RAB38: variants seen among roughly 807,000 people sequenced by gnomAD.
RAB38 encodes ras-related protein Rab-38.
Under a neutral mutation model 18.4 loss-of-function variants are expected in RAB38, and 15 were observed. The ratio of observed to expected loss-of-function variants is 0.82; its 90% CI spans 0.55 to 1.26. The LOEUF is 1.26. Among genes scored for constraint, RAB38 ranks in the 50% most tolerant of loss-of-function variants. The probability of loss-of-function intolerance (pLI) is 0.00; values close to 1 mark genes in which losing one functional copy is unlikely to be tolerated. For missense variants in RAB38, 294 were observed against 267.4 expected (o/e 1.10, Z -0.69); for synonymous variants, 101 against 104.4 (o/e 0.97, Z 0.20).
the RAB38 span, among the ~76,000 whole-genome samples, chr11:88,032,080 T>A: frequency 6.6e-6 from 1 of 151,004 alleles, no homozygotes; most frequent in Non-Finnish European, 1.5e-5. Context: ...ATGCCGCATA[T>A]CTACAACTAT....
At chr11:88,159,044 C>T (rs1360151655) in intron 1 of RAB38, among the ~76,000 whole-genome samples, 2 of 151,792 alleles carry the variant, frequency 1.3e-5, no homozygotes, top group African/African-American at 2.4e-5. Context: ...CTATAAATGA[C>T]TTCAGTAAAA....
chr11:88,093,193 C>A, the RAB38 span, among the ~76,000 whole-genome samples: 1 of 151,874 alleles, frequency 6.6e-6, no homozygotes, highest in Admixed American at 6.6e-5. Flanking sequence ...AGTTTTCACA[C>A]TAGGCAACTT....
chr11:88,094,897 C>G, the RAB38 span, among the ~76,000 whole-genome samples: 6 of 151,868 alleles, frequency 4.0e-5, no homozygotes, highest in Non-Finnish European at 7.4e-5. Context: ...CTTGAACCTT[C>G]AATATCTGCT....
chr11:87,939,485 C>T, the RAB38 span, among the ~76,000 whole-genome samples: 1 of 151,870 alleles, frequency 6.6e-6, no homozygotes, highest in Non-Finnish European at 1.5e-5. Context: ...TGATATTTTT[C>T]AACTTAAATG....
At chr11:87,970,863 C>T in the RAB38 span, among the ~76,000 whole-genome samples, 5 of 152,072 alleles carry the variant, frequency 3.3e-5, no homozygotes, top group Non-Finnish European at 7.4e-5. Flanking sequence ...TTTGTTACTC[C>T]TTTTCCTCTT....
the RAB38 span, among the ~76,000 whole-genome samples, chr11:87,814,128 G>C: frequency 8.5e-5 from 13 of 152,282 alleles, no homozygotes; most frequent in South Asian, 2.1e-3. Flanking sequence ...ACACCCCCAA[G>C]TGTTATGGGC....
the RAB38 span, among the ~76,000 whole-genome samples, chr11:87,828,365 A>G: frequency 1.3e-5 from 2 of 152,154 alleles, no homozygotes; most frequent in Admixed American, 6.6e-5. Context: ...ATCTATTTCC[A>G]TCAAGATATT....
At chr11:87,965,847 T>TGGGAATTTGTGCATC in the RAB38 span, among the ~76,000 whole-genome samples, 3 of 152,118 alleles carry the variant, frequency 2.0e-5, no homozygotes, top group African/African-American at 4.8e-5. Flanking sequence ...ATTTGTGCAT[T>TGGGAATTTGTGCATC]ATGGGTTAAG....
the RAB38 span, among the ~76,000 whole-genome samples, chr11:87,961,880 CTT>C: frequency 6.6e-6 from 1 of 152,024 alleles, no homozygotes; most frequent in African/African-American, 2.4e-5. Context: ...TCCAAGAAGA[CTT>C]GAGGTTTACT....
chr11:88,016,573 A>G, the RAB38 span, among the ~76,000 whole-genome samples: 1 of 152,092 alleles, frequency 6.6e-6, no homozygotes, highest in South Asian at 2.1e-4. Flanking sequence ...TGATAAGTCC[A>G]TGGTCACTTT....
At chr11:88,092,855 A>G in the RAB38 span, among the ~76,000 whole-genome samples, 5 of 151,920 alleles carry the variant, frequency 3.3e-5, no homozygotes, top group African/African-American at 1.2e-4. Context: ...AAATGAATAA[A>G]GTTTGGGAAA....
the RAB38 span, among the ~76,000 whole-genome samples, chr11:87,852,628 C>A: frequency 6.6e-6 from 1 of 152,122 alleles, no homozygotes; most frequent in African/African-American, 2.4e-5. Flanking sequence ...TTCAACATAA[C>A]AATAAAATGT....
chr11:88,074,499 G>C, the RAB38 span, among the ~76,000 whole-genome samples: 1 of 152,142 alleles, frequency 6.6e-6, no homozygotes, highest in Admixed American at 6.5e-5. Context: ...TGCTATAACT[G>C]TAAGATCCTT....
chr11:87,842,553 A>G, the RAB38 span, among the ~76,000 whole-genome samples: 2 of 152,168 alleles, frequency 1.3e-5, no homozygotes, highest in Admixed American at 6.5e-5. Context: ...TGTGCCATAA[A>G]TACTTTTAAA....
the RAB38 span, among the ~76,000 whole-genome samples, chr11:88,022,928 C>A: frequency 6.6e-6 from 1 of 152,062 alleles, no homozygotes; most frequent in Non-Finnish European, 1.5e-5. Flanking sequence ...CATGTCCTCA[C>A]TTATAAGTGG....
At chr11:87,805,037 G>A in the RAB38 span, among the ~76,000 whole-genome samples, 2 of 152,008 alleles carry the variant, frequency 1.3e-5, no homozygotes, top group Non-Finnish European at 2.9e-5. Context: ...AGCCTGTTTT[G>A]GAACTTAATG....
chr11:87,946,074 T>G, the RAB38 span, among the ~76,000 whole-genome samples: 1 of 152,142 alleles, frequency 6.6e-6, no homozygotes, highest in Non-Finnish European at 1.5e-5. Flanking sequence ...AACCTTGATT[T>G]CTCTGATTTT....
chr11:87,878,036 T>C, the RAB38 span, among the ~76,000 whole-genome samples: 1 of 150,810 alleles, frequency 6.6e-6, no homozygotes, highest in African/African-American at 2.4e-5. Context: ...GTAGGGAAAC[T>C]GAGCCTTGAG....
chr11:88,105,935 C>T, the RAB38 span, among the ~76,000 whole-genome samples: 2 of 152,046 alleles, frequency 1.3e-5, no homozygotes, highest in Non-Finnish European at 2.9e-5. Context: ...GATTAAATGA[C>T]ATTATGTTTT....
Sources: gnomAD v4.1 joint callset for allele counts (sites outside exome capture counted in the v4.1 genomes callset) on GRCh38, gnomAD v4.1.1 for gene constraint, MANE v1.5 for transcripts, NCBI Gene and HGNC (gene_info 2026-07-23, HGNC 2026-07-21) for gene names.